The following DESI2 variants were observed in gnomAD, a reference collection of about 807,000 sequenced individuals.
DESI2 encodes the protein deubiquitinase DESI2.
A neutral mutation model predicts 24.1 loss-of-function variants in DESI2; 10 were observed. The observed-to-expected ratio is 0.41, with a 90% confidence interval of 0.26 to 0.70. The LOEUF (loss-of-function observed/expected upper bound fraction) is 0.70, where lower values mean the gene tolerates loss of function less well. Among genes scored for constraint, DESI2 ranks in the 30% least tolerant of loss-of-function variants. The probability of loss-of-function intolerance (pLI) is 0.29; values close to 1 mark genes in which losing one functional copy is unlikely to be tolerated. For missense variants in DESI2, 122 were observed against 234.9 expected, an observed-to-expected ratio of 0.52 and a Z score of 3.14; for synonymous variants, 71 against 87.7, an observed-to-expected ratio of 0.81 and a Z score of 1.06.
chr1:244,671,577 A>T (rs1676246337), intron 1 of DESI2, among the ~76,000 whole-genome samples: 1 of 152,226 alleles, frequency 6.6e-6, no homozygotes, highest in Admixed American at 6.5e-5. Flanking sequence ...CTTTATTTGG[A>T]TAAAAATGTC....
intron 1 of DESI2, among the ~76,000 whole-genome samples, chr1:244,678,288 G>A (rs1676483623): frequency 6.6e-6 from 1 of 152,152 alleles, no homozygotes; most frequent in East Asian, 1.9e-4. Flanking sequence ...TATAAAATGT[G>A]TCAAAATATA....
intron 4 of DESI2, among the ~76,000 whole-genome samples, chr1:244,700,144 C>T (rs1677390458): frequency 6.6e-6 from 1 of 152,162 alleles, no homozygotes; most frequent in African/African-American, 2.4e-5. Context: ...TTGTTTCATA[C>T]CCTTTCGCTG....
At chr1:244,682,564 T>C (rs1676655638) in intron 1 of DESI2, among the ~76,000 whole-genome samples, 1 of 152,208 alleles carries the variant, frequency 6.6e-6, no homozygotes, top group Non-Finnish European at 1.5e-5. Context: ...TTTTTTCTTC[T>C]TTTTCTTTTT....
At chr1:244,679,384 TA>T (rs1275595741) in intron 1 of DESI2, among the ~76,000 whole-genome samples, 1 of 152,228 alleles carries the variant, frequency 6.6e-6, no homozygotes, top group Non-Finnish European at 1.5e-5. Flanking sequence ...TGAAATTTTT[TA>T]AACCTTCCCA....
intron 1 of DESI2, among the ~76,000 whole-genome samples, chr1:244,672,554 C>T (rs1676281669): frequency 6.6e-6 from 1 of 152,102 alleles, no homozygotes; most frequent in Admixed American, 6.6e-5. Context: ...GTTAGAGAAG[C>T]GTTGAGAAAC....
At chr1:244,679,047 CT>C (rs200947307) in intron 1 of DESI2, among the ~76,000 whole-genome samples, 1 of 150,992 alleles carries the variant, frequency 6.6e-6, no homozygotes, top group Non-Finnish European at 1.5e-5. Flanking sequence ...CTCTTTTTTT[CT>C]TTTTTTTTGA....
At chr1:244,703,660 CT>C (rs34869457) in intron 4 of DESI2, among the ~76,000 whole-genome samples, 37,665 of 142,910 alleles carry the variant, frequency 0.26, 5,106 homozygotes, top group African/African-American at 0.37. Flanking sequence ...CTCATGTACA[CT>C]TTTTTTTTTT....
intron 1 of DESI2, among the ~76,000 whole-genome samples, chr1:244,661,565 C>G (rs1279173696): frequency 6.6e-6 from 1 of 152,200 alleles, no homozygotes; most frequent in East Asian, 1.9e-4. Flanking sequence ...CCCGCTCCCC[C>G]CACCCCACCA....
chr1:244,705,500 T>G, intron 4 of DESI2, 56 bp from the exon 5 acceptor site: 2 of 1,471,146 alleles, frequency 1.4e-6, no homozygotes, highest in Non-Finnish European at 1.9e-6. Context: ...TCCCTGGCAG[T>G]GGACCAGGTA....
At position 244,689,899 on chromosome 1, in the gene DESI2, A is replaced by ATTAT. The variant is rs1204690202; in HGVS notation, c.209+558_209+559insTATT. 2.6e-5 allele frequency among the ~76,000 whole-genome samples: 4 copies of ATTAT among 152,228 alleles called. No homozygotes were observed. Among genetic ancestry groups the ATTAT allele is most frequent in the Non-Finnish European group, 5.9e-5 (4 of 68,036 alleles). On this transcript the variant is annotated intron_variant, in intron 3 of 4. Transcript: ENST00000302550. The surrounding 1 kb of genome is among the most constrained non-coding windows in gnomAD (Gnocchi z 4.0). ...TTGTGACCTACCTAGCAAATTAAAAATGTCTTTATTGTCCCAATGAAAGGG... is the reference window on the plus strand; with the variant it reads ...TTGTGACCTACCTAGCAAATTAAAAATTATTGTCTTTATTGTCCCAATGAAAGGG...
At chr1:244,694,703 T>C in intron 4 of DESI2, 4 of 722,976 alleles carry the variant, frequency 5.5e-6, no homozygotes, top group Non-Finnish European at 1.0e-5. Flanking sequence ...TTCCAAACGA[T>C]GATGTTGCCT....
At chr1:244,667,231 T>A (rs1676078225) in intron 1 of DESI2, among the ~76,000 whole-genome samples, 1 of 152,088 alleles carries the variant, frequency 6.6e-6, no homozygotes, top group Non-Finnish European at 1.5e-5. Context: ...ACAAGGCAAG[T>A]CCCTTCCTAT....
intron 4 of DESI2, among the ~76,000 whole-genome samples, chr1:244,700,070 C>T (rs1464639846): frequency 6.6e-6 from 1 of 152,198 alleles, no homozygotes; most frequent in Non-Finnish European, 1.5e-5. Flanking sequence ...ACTAAGTTTT[C>T]AGGCTGGAGT....
intron 4 of DESI2, among the ~76,000 whole-genome samples, chr1:244,698,415 C>T (rs148426385): frequency 6.6e-6 from 1 of 152,284 alleles, no homozygotes; most frequent in East Asian, 1.9e-4. Flanking sequence ...ATGTCTGACC[C>T]TAGAGGCTGG....
intron 1 of DESI2, among the ~76,000 whole-genome samples, chr1:244,661,287 A>C (rs1482559479): frequency 6.6e-6 from 1 of 152,126 alleles, no homozygotes; most frequent in Non-Finnish European, 1.5e-5. Flanking sequence ...TGACTGGCTT[A>C]TTTCACTTAG....
intron 1 of DESI2, among the ~76,000 whole-genome samples, chr1:244,683,345 T>C (rs1452920494): frequency 2.6e-5 from 4 of 152,142 alleles, no homozygotes. Flanking sequence ...AGAGTCTCGC[T>C]CTGTCGCCCA....
rs894368417 is a variant in DESI2, at chr1:244,705,567, G to A, written c.363G>A (p.Gly121=). 3.7e-6 allele frequency: 6 copies of A among 1,613,972 alleles called. No individual in the cohort carries two copies. The highest frequency in any genetic ancestry group is 5.1e-6 in the Non-Finnish European group (6 of 1,179,876). ...TTTCTCTTCTGTAGATTCTTTGTGG[G>A]AAAGAGATTCCTCGCTGGATCAATC... ...FSSALSEILC[G]KEIPRWINRL... Residue 121 remains glycine, a synonymous_variant, in exon 5 of 5, where the codon GGG becomes GGA. Coordinates refer to ENST00000302550, the MANE Select transcript of DESI2 (RefSeq NM_016076.5).
chr1:244,688,332 A>T (rs1211634577), intron 2 of DESI2, among the ~76,000 whole-genome samples: 1 of 152,228 alleles, frequency 6.6e-6, no homozygotes, highest in Non-Finnish European at 1.5e-5. Context: ...AAAAAACTTT[A>T]AAAATTATGT....
chr1:244,672,832 G>T (rs558271628), intron 1 of DESI2, among the ~76,000 whole-genome samples: 4 of 151,884 alleles, frequency 2.6e-5, no homozygotes, highest in African/African-American at 9.7e-5. Context: ...AGCCAAGATC[G>T]CCCCATTGCA....
Sources: allele counts gnomAD v4.1 joint callset (sites outside exome capture counted in the v4.1 genomes callset), GRCh38; gene constraint gnomAD v4.1.1; non-coding constraint Gnocchi (gnomAD v3.1); transcripts MANE v1.5; gene names NCBI Gene and HGNC (gene_info 2026-07-23, HGNC 2026-07-21).